Variants in PRUNE2 observed in about 807,000 individuals in gnomAD.
PRUNE2 encodes the protein prune homolog 2 with BCH domain.
A neutral mutation model predicts 252.0 loss-of-function variants in PRUNE2; 164 were observed. The observed-to-expected ratio is 0.65, with a 90% CI of 0.57 to 0.74. The LOEUF is 0.74. Among genes scored for constraint, PRUNE2 ranks in the 30% least tolerant of loss-of-function variants. PRUNE2 has a pLI of 0.00. For synonymous variants in PRUNE2, 1,292 were observed against 1,350.2 expected, an observed-to-expected ratio of 0.96 and a Z score of 0.94; for missense variants, 3,495 against 3,711.0, an observed-to-expected ratio of 0.94 and a Z score of 1.51.
At chr9:76,762,570 A>T (rs991215922) in intron 6 of PRUNE2, among the ~76,000 whole-genome samples, 1 of 152,024 alleles carries the variant, frequency 6.6e-6, no homozygotes, top group East Asian at 1.9e-4. Context: ...CAGTAATTTT[A>T]CCCCCAGCCC....
chr9:76,693,897 G>A (rs112375953), intron 9 of PRUNE2, among the ~76,000 whole-genome samples: 2,097 of 152,266 alleles, frequency 0.014, 43 homozygotes, highest in African/African-American at 0.047. Flanking sequence ...TGAAGGAGAC[G>A]GGGGTGGGGC....
At chr9:76,898,200 A>G (rs952446374) in intron 1 of PRUNE2, among the ~76,000 whole-genome samples, 3 of 152,236 alleles carry the variant, frequency 2.0e-5, no homozygotes, top group African/African-American at 7.2e-5. Context: ...GAAGGAGGAC[A>G]AAAGTCCTTC....
intron 16 of PRUNE2, chr9:76,627,897 T>C: frequency 2.4e-6 from 1 of 416,536 alleles, no homozygotes; most frequent in South Asian, 1.8e-5. Flanking sequence ...ACTGCTATGC[T>C]TGGCATATCA....
At chr9:76,871,589 T>C (rs1422851028) in intron 1 of PRUNE2, among the ~76,000 whole-genome samples, 2 of 152,352 alleles carry the variant, frequency 1.3e-5, no homozygotes, top group South Asian at 4.1e-4. Flanking sequence ...TTTTTAAACT[T>C]ACAGTGGTCA....
chr9:76,782,200 C>T (rs909503393), intron 6 of PRUNE2, among the ~76,000 whole-genome samples: 2 of 150,458 alleles, frequency 1.3e-5, no homozygotes, highest in East Asian at 2.0e-4. Context: ...GGTGACAAAG[C>T]GAGACTCCAT....
Position 76,733,774 on chromosome 9 carries a change from ATAAT to A in PRUNE2, c.757-20057_757-20054del, listed in dbSNP as rs531846203. The A allele has an allele frequency of 6.6e-5, 10 of 152,294 alleles. No homozygotes were observed. In the South Asian group the frequency reaches 1.0e-3, roughly 16 times the overall value. 9.4% of individuals were successfully genotyped at this position (152,294 alleles called of 1,614,324 possible). ...TGCCTGTACAATATCAAGAGGTAAG[ATAAT>A]TAATTAATTTGCCCTAATCTTCACA... is the stretch of plus-strand genomic sequence containing the variant. On this transcript the variant is annotated intron_variant, in intron 6 of 18. Coordinates refer to ENST00000376718, the MANE Select transcript of PRUNE2 (RefSeq NM_015225.3).
Position 76,619,684 on chromosome 9 carries a change from A to G in PRUNE2, c.9189-297T>C, listed in dbSNP as rs1831268110. ...TTTCAATTTGTCTTATTCAGGGGACATATTACAAAATTGTTTTGGTACCCC... is the reference window on the plus strand; with the variant it reads ...TTTCAATTTGTCTTATTCAGGGGACGTATTACAAAATTGTTTTGGTACCCC... On this transcript the variant is annotated intron_variant, in intron 17 of 18. Coordinates refer to ENST00000376718, the MANE Select transcript of PRUNE2 (RefSeq NM_015225.3). Among the ~76,000 whole-genome samples, 3 of 152,254 alleles carry G rather than the reference A, an allele frequency of 2.0e-5. No individual in the cohort carries two copies. The South Asian group carries it at 6.2e-4, about 31-fold the overall frequency.
chr9:76,735,419 C>CTTT (rs34406993), intron 6 of PRUNE2, among the ~76,000 whole-genome samples: 4 of 133,082 alleles, frequency 3.0e-5, no homozygotes, highest in Non-Finnish European at 4.8e-5. Context: ...TTTCTTTCTT[C>CTTT]TTTTTTTTTT....
At chr9:76,866,801 G>A (rs1323591491) in intron 1 of PRUNE2, among the ~76,000 whole-genome samples, 2 of 152,060 alleles carry the variant, frequency 1.3e-5, no homozygotes, top group East Asian at 3.9e-4. Flanking sequence ...AGAGAGAATG[G>A]AAGGAAGAGG....
At chr9:76,659,644 T>C (rs1364099656) in intron 9 of PRUNE2, among the ~76,000 whole-genome samples, 1 of 152,134 alleles carries the variant, frequency 6.6e-6, no homozygotes, top group East Asian at 1.9e-4. Flanking sequence ...GATTTTGGAA[T>C]ATTTGCATTA....
chr9:76,711,525 C>A (rs2046730203), intron 7 of PRUNE2, among the ~76,000 whole-genome samples, 167 bp from the exon 8 acceptor site: 1 of 152,208 alleles, frequency 6.6e-6, no homozygotes, highest in Admixed American at 6.5e-5. Context: ...GTACCACCAA[C>A]CCTTTCTCCA....
chr9:76,844,317 C>T (rs929166306), intron 4 of PRUNE2, among the ~76,000 whole-genome samples: 1 of 152,096 alleles, frequency 6.6e-6, no homozygotes, highest in African/African-American at 2.4e-5. Flanking sequence ...ATGAGTTCAC[C>T]TGAGATCTGG....
intron 16 of PRUNE2, among the ~76,000 whole-genome samples, chr9:76,626,621 G>A (rs1834889124): frequency 6.6e-6 from 1 of 152,192 alleles, no homozygotes; most frequent in Non-Finnish European, 1.5e-5. Flanking sequence ...GAAAACTGAT[G>A]TGTGCAGTTG....
chr9:76,642,000 G>GT (rs1554785894), intron 12 of PRUNE2: 23 of 714,422 alleles, frequency 3.2e-5, no homozygotes, highest in Middle Eastern at 2.8e-4. Flanking sequence ...AATAAGAGAA[G>GT]TAAAAAAAAA....
At chr9:76,622,402 A>G (rs7867457) in intron 17 of PRUNE2, among the ~76,000 whole-genome samples, 42,124 of 152,028 alleles carry the variant, frequency 0.28, 6,153 homozygotes, top group African/African-American at 0.35. Flanking sequence ...AATATAGAGG[A>G]AAAAAATCTA....
At chr9:76,813,572 T>C in intron 6 of PRUNE2, among the ~76,000 whole-genome samples, 1 of 152,230 alleles carries the variant, frequency 6.6e-6, no homozygotes. Flanking sequence ...GTCACTTATA[T>C]TGTTGACAAA....
chr9:76,808,169 G>T (rs1426417700), intron 6 of PRUNE2, among the ~76,000 whole-genome samples: 1 of 79,140 alleles, frequency 1.3e-5, no homozygotes, highest in Non-Finnish European at 2.7e-5. Context: ...CAGAGTAAGC[G>T]AAACTCTGTG....
intron 1 of PRUNE2, among the ~76,000 whole-genome samples, chr9:76,882,645 A>T (rs1046511238): frequency 5.3e-5 from 8 of 152,150 alleles, no homozygotes; most frequent in African/African-American, 1.9e-4. Context: ...GGTGCTACAG[A>T]CTTTAAAAGG....
At chr9:76,755,512 G>C (rs564034811) in intron 6 of PRUNE2, among the ~76,000 whole-genome samples, 1 of 152,218 alleles carries the variant, frequency 6.6e-6, no homozygotes, top group East Asian at 1.9e-4. Context: ...ACTGTCTAGT[G>C]GGGGTGTGGA....
Sources: gnomAD v4.1 joint callset for allele counts (sites outside exome capture counted in the v4.1 genomes callset) on GRCh38, gnomAD v4.1.1 for gene constraint, MANE v1.5 for transcripts, NCBI Gene and HGNC (gene_info 2026-07-23, HGNC 2026-07-21) for gene names.